The following KCNH5 variants were observed in gnomAD, a reference collection of about 807,000 sequenced individuals.
The protein encoded by KCNH5 is potassium voltage-gated channel subfamily H member 5.
In KCNH5, 46 loss-of-function variants were observed where a neutral mutation model predicts 96.1. The ratio of observed to expected loss-of-function variants is 0.48; its 90% CI spans 0.38 to 0.61. The LOEUF is 0.61. KCNH5 is among the 20% of genes least tolerant of loss of function. The pLI, the probability that KCNH5 is intolerant of heterozygous loss-of-function variation, is 0.00. For synonymous variants in KCNH5, 439 were observed against 449.8 expected (o/e 0.98, Z 0.30); for missense variants, 907 against 1,225.8 (o/e 0.74, Z 3.88).
At chr14:62,791,046 T>C (rs754208285) in intron 9 of KCNH5, among the ~76,000 whole-genome samples, 132 of 151,786 alleles carry the variant, frequency 8.7e-4, no homozygotes, top group Non-Finnish European at 1.4e-3. Context: ...ATCCCTGCCT[T>C]GTGCTGGATC....
At chr14:62,751,465 C>T (rs1885497514) in intron 10 of KCNH5, among the ~76,000 whole-genome samples, 1 of 152,218 alleles carries the variant, frequency 6.6e-6, no homozygotes, top group South Asian at 2.1e-4. Context: ...TCTCAGGCCC[C>T]ATCACTCTTG....
chr14:62,900,963 C>T (rs1196915910), intron 7 of KCNH5, among the ~76,000 whole-genome samples: 4 of 152,036 alleles, frequency 2.6e-5, no homozygotes, highest in African/African-American at 9.7e-5. Flanking sequence ...GGATAGTATA[C>T]ATGAAATGCT....
intron 3 of KCNH5, 132 bp from the exon 4 acceptor site, chr14:63,001,591 A>C: frequency 2.9e-6 from 2 of 699,126 alleles, no homozygotes; most frequent in Non-Finnish European, 4.6e-6. Context: ...ACAACAGTAT[A>C]TTAATTACTA....
intron 7 of KCNH5, among the ~76,000 whole-genome samples, chr14:62,867,805 G>C (rs117998125): frequency 3.2e-4 from 48 of 152,178 alleles, no homozygotes; most frequent in Non-Finnish European, 6.3e-4. Flanking sequence ...CCTGCTGCAG[G>C]AGCTATGCAT....
intron 7 of KCNH5, among the ~76,000 whole-genome samples, chr14:62,853,494 A>ATATATATATATATATCATATATATAT (rs375695583): frequency 9.8e-6 from 1 of 102,072 alleles, no homozygotes; most frequent in Non-Finnish European, 2.1e-5. Context: ...ATATATATAT[A>ATATATATATATATATCATATATATAT]ATCTTGGCCA....
Position 62,862,274 on chromosome 14 carries a change from A to G in KCNH5, c.1370-12422T>C, listed in dbSNP as rs550679283. ...GATTGATCCGAGATACAAAGACTGA[A>G]GTGGCCGGCACTGCCAATAACCTAA... On this transcript the variant is annotated intron_variant, in intron 7 of 10. Transcript: ENST00000322893. Among the ~76,000 whole-genome samples, 3 of 152,332 alleles carry G rather than the reference A, an allele frequency of 2.0e-5. No individual in the cohort carries two copies. In the South Asian group the frequency reaches 6.2e-4, roughly 32 times the overall value.
chr14:62,902,316 G>GT (rs539047238), intron 7 of KCNH5, among the ~76,000 whole-genome samples: 7,918 of 144,858 alleles, frequency 0.055, 642 homozygotes, highest in African/African-American at 0.18. Flanking sequence ...GTGTTTCCTA[G>GT]TTTTTTTTTT....
chr14:62,760,020 G>A (rs1458277385), intron 10 of KCNH5, among the ~76,000 whole-genome samples: 1 of 152,116 alleles, frequency 6.6e-6, no homozygotes, highest in Non-Finnish European at 1.5e-5. Context: ...AAGCCACTTG[G>A]TGACTCTCAG....
intron 4 of KCNH5, among the ~76,000 whole-genome samples, chr14:63,000,881 C>T (rs545724705): frequency 3.4e-4 from 51 of 152,228 alleles, no homozygotes; most frequent in African/African-American, 1.2e-3. Flanking sequence ...TTGAAACCAG[C>T]CTGGGCAACA....
chr14:62,916,777 C>G (rs1398831218), intron 7 of KCNH5, among the ~76,000 whole-genome samples: 1 of 152,120 alleles, frequency 6.6e-6, no homozygotes, highest in Non-Finnish European at 1.5e-5. Context: ...GGCACAGGTG[C>G]AAATAAATGC....
intron 5 of KCNH5, among the ~76,000 whole-genome samples, chr14:62,984,067 G>C (rs1272378804): frequency 6.6e-6 from 1 of 152,160 alleles, no homozygotes; most frequent in Non-Finnish European, 1.5e-5. Context: ...TCTTCACTCT[G>C]TTCCTGGGCT....
intron 8 of KCNH5, among the ~76,000 whole-genome samples, chr14:62,820,543 A>C (rs1206234269): frequency 6.6e-6 from 1 of 151,942 alleles, no homozygotes; most frequent in Non-Finnish European, 1.5e-5. Flanking sequence ...CTATGTGTCC[A>C]TGTGTGCTCA....
chr14:62,773,316 GA>G (rs1269690678), intron 10 of KCNH5, among the ~76,000 whole-genome samples: 1 of 152,154 alleles, frequency 6.6e-6, no homozygotes. Flanking sequence ...TTCTCTATTT[GA>G]AATGAAATCC....
intron 7 of KCNH5, among the ~76,000 whole-genome samples, chr14:62,864,868 T>C (rs911899781): frequency 6.6e-6 from 1 of 152,170 alleles, no homozygotes; most frequent in African/African-American, 2.4e-5. Flanking sequence ...CATGGAAAAC[T>C]GTTTTACAAT....
chr14:62,726,814 C>A (rs1884936203), intron 10 of KCNH5, among the ~76,000 whole-genome samples: 1 of 152,110 alleles, frequency 6.6e-6, no homozygotes, highest in African/African-American at 2.4e-5. Context: ...AGGTAGGCAG[C>A]AACACTGTTT....
chr14:62,726,236 G>A (rs1054828224), intron 10 of KCNH5, among the ~76,000 whole-genome samples: 3 of 152,076 alleles, frequency 2.0e-5, no homozygotes, highest in African/African-American at 4.8e-5. Context: ...ATAATGTTGG[G>A]ATACGATAAG....
chr14:62,931,043 C>G (rs11628836), intron 7 of KCNH5, among the ~76,000 whole-genome samples: 86,229 of 151,888 alleles, frequency 0.57, 25,162 homozygotes, highest in South Asian at 0.69. Context: ...AGATGGGCTT[C>G]AGGAATGATG....
At chr14:62,719,859 G>A (rs932809206) in intron 10 of KCNH5, among the ~76,000 whole-genome samples, 3 of 152,272 alleles carry the variant, frequency 2.0e-5, no homozygotes, top group Non-Finnish European at 2.9e-5. Context: ...TCACTTTAAC[G>A]TGCCTCTTAT....
chr14:63,026,239 C>T (rs61100388), intron 1 of KCNH5, among the ~76,000 whole-genome samples: 7,187 of 151,982 alleles, frequency 0.047, 198 homozygotes, highest in East Asian at 0.062. Context: ...ACTTCAACAT[C>T]AAACCTGAAA....
Sources: allele counts gnomAD v4.1 joint callset (sites outside exome capture counted in the v4.1 genomes callset), GRCh38; gene constraint gnomAD v4.1.1; transcripts MANE v1.5; gene names NCBI Gene and HGNC (gene_info 2026-07-23, HGNC 2026-07-21).